DOCK7: variants seen among roughly 807,000 people sequenced by gnomAD.
The protein encoded by DOCK7 is dedicator of cytokinesis protein 7.
In DOCK7, 138 loss-of-function variants were observed where a neutral mutation model predicts 271.0. That is an observed-to-expected ratio of 0.51 (90% confidence interval 0.44 to 0.59). The LOEUF (loss-of-function observed/expected upper bound fraction) is 0.59. DOCK7 is among the 20% of genes least tolerant of loss of function. DOCK7 has a pLI of 0.00. For synonymous variants in DOCK7, 823 were observed against 876.1 expected (o/e 0.94, Z 1.07); for missense variants, 2,066 against 2,592.4 (o/e 0.80, Z 4.41).
At chr1:62,528,570 G>C (rs186062264) in intron 30 of DOCK7, among the ~76,000 whole-genome samples, 1 of 152,274 alleles carries the variant, frequency 6.6e-6, no homozygotes, top group Admixed American at 6.5e-5. Context: ...TCATTTTAGT[G>C]ATCAAAATAC....
Position 62,539,889 on chromosome 1 carries a change from T to C in DOCK7, c.3049A>G (p.Lys1017Glu). The change falls in exon 26 of 50, where the codon AAG becomes GAG. Residue 1017 changes from lysine to glutamate, a missense_variant. Transcript: ENST00000635253. ...QAWFFFELMV[K>E]SMVHHLYFND... is the part of the protein sequence containing the mutation. ...AAGTATAAATGGTGCACCATGCTCT[T>C]TACCTGAAAAAAAGATATAAATTAT... 1 of 1,580,340 alleles carries C rather than the reference T, an allele frequency of 6.3e-7. No homozygotes were observed. Among genetic ancestry groups the C allele is most frequent in the Non-Finnish European group, 8.6e-7 (1 of 1,167,022 alleles).
intron 4 of DOCK7, among the ~76,000 whole-genome samples, chr1:62,653,506 C>T (rs185143987): frequency 3.3e-5 from 5 of 152,192 alleles, no homozygotes; most frequent in Admixed American, 3.3e-4. Context: ...TATAATAATA[C>T]AGAAATACTA....
At chr1:62,685,456 T>C (rs746396520) in intron 1 of DOCK7, among the ~76,000 whole-genome samples, 3 of 152,204 alleles carry the variant, frequency 2.0e-5, no homozygotes, top group Non-Finnish European at 4.4e-5. Context: ...TAATAATGCA[T>C]TACTCATAGC....
chr1:62,537,849 A>G (rs759097504), intron 28 of DOCK7, 42 bp downstream of exon 28: 11 of 1,558,824 alleles, frequency 7.1e-6, no homozygotes, highest in Non-Finnish European at 9.7e-6. Context: ...ATTCTTCACA[A>G]AAGTGACTTT....
intron 29 of DOCK7, among the ~76,000 whole-genome samples, chr1:62,532,500 TA>T (rs1021155646): frequency 1.3e-5 from 2 of 152,136 alleles, no homozygotes; most frequent in Admixed American, 1.3e-4. Context: ...TACGGCTAAT[TA>T]AAAAAATTTT....
Position 62,578,852 on chromosome 1 carries a change from A to G in DOCK7, c.1986T>C (p.Pro662=), listed in dbSNP as rs776306082. ...CTGTATATCCAACTGGTGTTTCAAGAGGAGTATTTTGTTTTTGTTGACAAC... is the reference window on the plus strand; with the variant it reads ...CTGTATATCCAACTGGTGTTTCAAGGGGAGTATTTTGTTTTTGTTGACAAC... ...HVSCQQKQNT[P]LETPVGYTWI... Residue 662 remains proline (P), a synonymous_variant, in exon 17 of 50, where the codon CCT becomes CCC. Transcript: ENST00000635253. 5.6e-6 allele frequency: 9 copies of G among 1,605,598 alleles called. No homozygotes were observed. The South Asian group carries it at 6.7e-5, about 12-fold the overall frequency.
At chr1:62,523,328 G>T (rs944620126) in intron 31 of DOCK7, among the ~76,000 whole-genome samples, 4 of 151,826 alleles carry the variant, frequency 2.6e-5, no homozygotes, top group Non-Finnish European at 4.4e-5. Flanking sequence ...TTTAATAAAC[G>T]GTGCTGAAAT....
chr1:62,539,442 C>T, intron 27 of DOCK7, 103 bp downstream of exon 27: 1 of 925,366 alleles, frequency 1.1e-6, no homozygotes, highest in South Asian at 2.0e-5. Context: ...GTTTTAACAT[C>T]AGTATATAAA....
chr1:62,492,530 C>G (rs747669365), intron 41 of DOCK7, 174 bp downstream of exon 41: 8 of 658,312 alleles, frequency 1.2e-5, no homozygotes, highest in Non-Finnish European at 2.0e-5. Context: ...TCAAGCAATC[C>G]TCCCGTCTTA....
intron 14 of DOCK7, among the ~76,000 whole-genome samples, chr1:62,611,780 A>C (rs959555313): frequency 2.0e-5 from 3 of 152,156 alleles, no homozygotes; most frequent in African/African-American, 4.8e-5. Flanking sequence ...ACTCAAGAAA[A>C]AAAAACTGAT....
At chr1:62,493,315 G>T (rs1360537545) in intron 40 of DOCK7, among the ~76,000 whole-genome samples, 1 of 152,068 alleles carries the variant, frequency 6.6e-6, no homozygotes, top group Non-Finnish European at 1.5e-5. Flanking sequence ...TTCTAAAAAA[G>T]AAATGATACA....
chr1:62,554,947 C>T (rs1012180600), intron 21 of DOCK7, among the ~76,000 whole-genome samples: 1 of 152,152 alleles, frequency 6.6e-6, no homozygotes, highest in Non-Finnish European at 1.5e-5. Context: ...TCATAACGAA[C>T]GTCACAATTA....
chr1:62,552,225 G>A (rs1178716864), intron 22 of DOCK7, among the ~76,000 whole-genome samples: 4 of 151,820 alleles, frequency 2.6e-5, no homozygotes, highest in Admixed American at 2.6e-4. Context: ...TGGGGGGTGG[G>A]GGAAGCGTTC....
chr1:62,651,267 G>A (rs928589496), intron 4 of DOCK7, among the ~76,000 whole-genome samples: 5 of 142,696 alleles, frequency 3.5e-5, no homozygotes, highest in Non-Finnish European at 6.1e-5. Context: ...GAGACAGGAA[G>A]GGGAACATCA....
At chr1:62,493,835 A>G (rs1646537256) in intron 40 of DOCK7, among the ~76,000 whole-genome samples, 2 of 152,210 alleles carry the variant, frequency 1.3e-5, no homozygotes, top group African/African-American at 4.8e-5. Context: ...TATGTACCCT[A>G]CTAGAGGGCA....
chr1:62,539,790 T>C lies in DOCK7; in HGVS notation c.3148A>G (p.Ser1050Gly). 6.2e-7 allele frequency: 1 copy of C among 1,613,474 alleles called. No individual in the cohort carries two copies. Residue 1050 changes from serine to glycine, a missense_variant, in exon 26 of 50, where the codon AGC becomes GGC. Transcript: ENST00000635253. ...GAAACTATATCACTAGCAATCGTGC[T>C]GACAAGAGCTGCAATGTCATCCATG... ...RFMDDIAALV[S>G]TIASDIVSRF...
intron 14 of DOCK7, chr1:62,597,738 A>G (rs763781510): frequency 6.2e-7 from 1 of 1,613,584 alleles, no homozygotes; most frequent in South Asian, 1.1e-5. Flanking sequence ...ACATGGTCTT[A>G]AAGACTTTGT....
Position 62,474,565 on chromosome 1 carries a change from T to C in DOCK7, c.6106-477A>G, listed in dbSNP as rs535271207. On this transcript the variant is annotated intron_variant, in intron 47 of 49. Transcript: ENST00000635253. ...AGACAAAACCTTAAAATCGTGCATG[T>C]TTCTAAGAGCTTTTGTAAAGGTCTT... Among the ~76,000 whole-genome samples the C allele has an allele frequency of 4.0e-5, 6 of 149,280 alleles. No individual in the cohort carries two copies. The Admixed American group carries it at 4.1e-4, about 10-fold the overall frequency.
rs772417960 is a variant in DOCK7 at position 62,620,000 on chromosome 1, T to G, written c.1426-7A>C. On this transcript the variant is annotated splice_region_variant and splice_polypyrimidine_tract_variant and intron_variant, in intron 12 of 49. Transcript: ENST00000635253. The stretch of plus-strand genomic sequence containing the variant: ...CACTTAAGCGGTCTCCTTCCTGATT[T>G]CAATAATAGAGGAAAAAGTATTTGA... The G allele has an allele frequency of 7.5e-6, 12 of 1,605,734 alleles. No individual in the cohort carries two copies. In the South Asian group the frequency reaches 1.3e-4, roughly 18 times the overall value.
Sources: allele counts gnomAD v4.1 joint callset (sites outside exome capture counted in the v4.1 genomes callset), GRCh38; gene constraint gnomAD v4.1.1; transcripts MANE v1.5; gene names NCBI Gene and HGNC (gene_info 2026-07-23, HGNC 2026-07-21).